Variants in CAMKMT observed in about 807,000 individuals in gnomAD.
CAMKMT encodes the protein calmodulin-lysine N-methyltransferase.
CAMKMT carries 53 observed loss-of-function variants against 48.0 expected under a neutral mutation model. The observed-to-expected ratio is 1.10, with a 90% confidence interval of 0.89 to 1.39. The LOEUF is 1.39. Among genes scored for constraint, CAMKMT ranks in the 40% most tolerant of loss-of-function variants. The pLI, the probability that CAMKMT is intolerant of heterozygous loss-of-function variation, is 0.00. For synonymous variants in CAMKMT, 165 were observed against 152.3 expected, an observed-to-expected ratio of 1.08 and a Z score of -0.61; for missense variants, 428 against 402.7, an observed-to-expected ratio of 1.06 and a Z score of -0.54.
intron 3 of CAMKMT, among the ~76,000 whole-genome samples, chr2:44,517,484 A>G (rs73928030): frequency 0.014 from 2,096 of 152,336 alleles, 63 homozygotes; most frequent in African/African-American, 0.047. Context: ...ACCAAAGTCA[A>G]AAAGATGGTT....
intron 3 of CAMKMT, among the ~76,000 whole-genome samples, chr2:44,401,879 C>T (rs1379622435): frequency 6.6e-6 from 1 of 152,138 alleles, no homozygotes; most frequent in Non-Finnish European, 1.5e-5. Flanking sequence ...CTTGAGGATT[C>T]ATTTCATTTC....
intron 2 of CAMKMT, among the ~76,000 whole-genome samples, chr2:44,373,604 C>T (rs755156593): frequency 6.6e-6 from 1 of 152,074 alleles, no homozygotes; most frequent in East Asian, 1.9e-4. Context: ...GAGCAAAAAA[C>T]ATTTTAAGTG....
intron 7 of CAMKMT, among the ~76,000 whole-genome samples, chr2:44,729,847 T>C (rs1678988238): frequency 6.6e-6 from 1 of 152,198 alleles, no homozygotes; most frequent in South Asian, 2.1e-4. Flanking sequence ...AGTTGTATAC[T>C]TGTTGGAAAT....
intron 9 of CAMKMT, among the ~76,000 whole-genome samples, chr2:44,756,977 A>G (rs576421749): frequency 6.6e-6 from 1 of 152,244 alleles, no homozygotes; most frequent in African/African-American, 2.4e-5. Flanking sequence ...TACAAACCCC[A>G]AGTCTACATT....
chr2:44,492,245 G>A (rs891780756), intron 3 of CAMKMT, among the ~76,000 whole-genome samples: 2 of 152,058 alleles, frequency 1.3e-5, no homozygotes, highest in African/African-American at 4.8e-5. Flanking sequence ...CATTTAAAAT[G>A]TTAGGAGAAG....
chr2:44,756,527 G>T (rs561934024), intron 9 of CAMKMT, among the ~76,000 whole-genome samples: 1 of 152,110 alleles, frequency 6.6e-6, no homozygotes, highest in East Asian at 1.9e-4. Context: ...GGATCACAAG[G>T]TCAGGAGATC....
intron 6 of CAMKMT, among the ~76,000 whole-genome samples, chr2:44,707,888 G>A (rs185343949): frequency 6.6e-6 from 1 of 152,242 alleles, no homozygotes; most frequent in Admixed American, 6.5e-5. Context: ...TGTATGTACT[G>A]TATAATATTG....
Position 44,498,019 on chromosome 2 carries a change from A to G in CAMKMT, c.376+107714A>G, listed in dbSNP as rs80117339. On this transcript the variant is annotated intron_variant, in intron 3 of 10. Coordinates refer to ENST00000378494, the MANE Select transcript of CAMKMT (RefSeq NM_024766.5). ...GGAGATAGTCTGAAATAAAGACATCAGGGATCATGGAGTGTAGTTAGGATA... is the reference window on the plus strand; with the variant it reads ...GGAGATAGTCTGAAATAAAGACATCGGGGATCATGGAGTGTAGTTAGGATA... Among the ~76,000 whole-genome samples the G allele has an allele frequency of 5.5e-3, 831 of 152,276 alleles. 4 individuals are homozygous for G. Among genetic ancestry groups the G allele is most frequent in the African/African-American group, 0.019 (800 of 41,564 alleles).
At chr2:44,371,325 C>G (rs1679161203) in intron 1 of CAMKMT, among the ~76,000 whole-genome samples, 1 of 152,070 alleles carries the variant, frequency 6.6e-6, no homozygotes, top group Admixed American at 6.6e-5. Flanking sequence ...TGCCATGTTG[C>G]TCAGGCTGGT....
At chr2:44,446,766 G>A (rs756375902) in intron 3 of CAMKMT, among the ~76,000 whole-genome samples, 1 of 152,182 alleles carries the variant, frequency 6.6e-6, no homozygotes. Flanking sequence ...GTCAAAGCAG[G>A]CATCTCAGTC....
chr2:44,722,944 A>AG (rs1247673617), intron 7 of CAMKMT, among the ~76,000 whole-genome samples: 1 of 152,168 alleles, frequency 6.6e-6, no homozygotes, highest in Non-Finnish European at 1.5e-5. Flanking sequence ...CCCCAGCATG[A>AG]GGGGGGTCTG....
At chr2:44,759,488 T>C (rs1680522187) in intron 9 of CAMKMT, among the ~76,000 whole-genome samples, 1 of 152,208 alleles carries the variant, frequency 6.6e-6, no homozygotes, top group Non-Finnish European at 1.5e-5. Flanking sequence ...TGCCCACTTC[T>C]GTACAAACCT....
In CAMKMT at chr2:44,767,622, C is replaced by CCTCT. The variant is rs1395211911; in HGVS notation, c.894+1063_894+1066dup. 2.0e-5 allele frequency among the ~76,000 whole-genome samples: 3 copies of CCTCT among 152,276 alleles called. No individual in the cohort carries two copies. In the East Asian group the frequency reaches 5.8e-4, roughly 29 times the overall value. ...GTGAACTGAAAGAGTTACATTACATCCTCTCACTGGTGGAGTCAGGCCCAT... is the reference window on the plus strand; with the variant it reads ...GTGAACTGAAAGAGTTACATTACATCCTCTCTCTCACTGGTGGAGTCAGGCCCAT... On this transcript the variant is annotated intron_variant, in intron 10 of 10. Coordinates refer to ENST00000378494, the MANE Select transcript of CAMKMT (RefSeq NM_024766.5).
At position 44,686,693 on chromosome 2, in the gene CAMKMT, A is replaced by G. The variant is rs1356668991; in HGVS notation, c.377-17590A>G. 3.3e-5 allele frequency among the ~76,000 whole-genome samples: 5 copies of G among 152,316 alleles called. No individual in the cohort carries two copies. In the South Asian group the frequency reaches 8.3e-4, roughly 25 times the overall value. ...CTACATTTATGGGAGCATTTTCTTAATCTTTCTGGAAATGAACGCTCATTG... is the reference window on the plus strand; with the variant it reads ...CTACATTTATGGGAGCATTTTCTTAGTCTTTCTGGAAATGAACGCTCATTG... On this transcript the variant is annotated intron_variant, in intron 3 of 10. Coordinates refer to ENST00000378494, the MANE Select transcript of CAMKMT (RefSeq NM_024766.5).
At chr2:44,712,444 T>C (rs558947288) in intron 6 of CAMKMT, among the ~76,000 whole-genome samples, 4 of 152,214 alleles carry the variant, frequency 2.6e-5, no homozygotes, top group African/African-American at 9.6e-5. Context: ...GTATATAATT[T>C]GTTTAAATTA....
intron 3 of CAMKMT, among the ~76,000 whole-genome samples, chr2:44,631,202 C>T (rs1672799357): frequency 6.6e-6 from 1 of 151,972 alleles, no homozygotes; most frequent in South Asian, 2.1e-4. Context: ...AACAGTGAGA[C>T]CACATGGACA....
chr2:44,677,790 C>T (rs977509001), intron 3 of CAMKMT, among the ~76,000 whole-genome samples: 21 of 152,052 alleles, frequency 1.4e-4, no homozygotes, highest in African/African-American at 4.3e-4. Flanking sequence ...CCTTATTGCC[C>T]GCACCTGGTG....
intron 3 of CAMKMT, among the ~76,000 whole-genome samples, chr2:44,529,720 A>T (rs1436005733): frequency 1.3e-5 from 2 of 152,164 alleles, no homozygotes; most frequent in Non-Finnish European, 2.9e-5. Context: ...ATTTACCTGC[A>T]TTTTCATAGT....
intron 3 of CAMKMT, among the ~76,000 whole-genome samples, chr2:44,590,933 A>T (rs1252224225): frequency 6.6e-6 from 1 of 151,798 alleles, no homozygotes; most frequent in Non-Finnish European, 1.5e-5. Context: ...TTTTTGTATA[A>T]GGTGTAAGGA....
Sources: gnomAD v4.1 joint callset for allele counts (sites outside exome capture counted in the v4.1 genomes callset) on GRCh38, gnomAD v4.1.1 for gene constraint, MANE v1.5 for transcripts, NCBI Gene and HGNC (gene_info 2026-07-23, HGNC 2026-07-21) for gene names.